Variants in CPNE8 observed in about 807,000 individuals in gnomAD.
The protein encoded by CPNE8 is copine-8.
Under a neutral mutation model 81.5 loss-of-function variants are expected in CPNE8, and 45 were observed. The ratio of observed to expected loss-of-function variants is 0.55; its 90% CI spans 0.44 to 0.71. The LOEUF is 0.71. CPNE8 is among the 30% of genes least tolerant of loss of function. The pLI, the probability that CPNE8 is intolerant of heterozygous loss-of-function variation, is 0.00. For missense variants in CPNE8, 594 were observed against 672.1 expected, an observed-to-expected ratio of 0.88 and a Z score of 1.28; for synonymous variants, 252 against 226.3, an observed-to-expected ratio of 1.11 and a Z score of -1.02.
intron 19 of CPNE8, among the ~76,000 whole-genome samples, chr12:38,669,206 C>T (rs563790598): frequency 2.0e-5 from 3 of 152,220 alleles, no homozygotes; most frequent in South Asian, 4.1e-4. Context: ...GAAAAGCTTA[C>T]ATCATATTCA....
At chr12:38,749,496 G>A (rs970629952) in intron 10 of CPNE8, among the ~76,000 whole-genome samples, 1 of 152,156 alleles carries the variant, frequency 6.6e-6, no homozygotes, top group Non-Finnish European at 1.5e-5. Context: ...AGGAAAATGT[G>A]GGAAAGTTTG....
chr12:38,906,586 T>G (rs1374968317), upstream of CPNE8: 3 of 985,456 alleles, frequency 3.0e-6, no homozygotes, highest in South Asian at 1.4e-4. Context: ...AACTGAGACC[T>G]GACGGATAAA....
intron 19 of CPNE8, among the ~76,000 whole-genome samples, chr12:38,669,042 A>G (rs1442706251): frequency 8.7e-6 from 1 of 114,714 alleles, no homozygotes; most frequent in Admixed American, 1.0e-4. Context: ...CAACAGCGAG[A>G]CTCTGCCTCA....
At chr12:38,809,874 T>C (rs1305632002) in intron 6 of CPNE8, among the ~76,000 whole-genome samples, 1 of 152,116 alleles carries the variant, frequency 6.6e-6, no homozygotes, top group Non-Finnish European at 1.5e-5. Flanking sequence ...CAACACATGA[T>C]GGGTCAAGCA....
chr12:38,901,824 G>A (rs185284731), intron 1 of CPNE8, among the ~76,000 whole-genome samples: 49 of 152,146 alleles, frequency 3.2e-4, no homozygotes, highest in Admixed American at 2.6e-3. Context: ...TATACTCCAA[G>A]CACCCTATTC....
intron 6 of CPNE8, among the ~76,000 whole-genome samples, chr12:38,792,735 A>G (rs1007917471): frequency 2.6e-5 from 4 of 151,830 alleles, no homozygotes; most frequent in African/African-American, 9.7e-5. Flanking sequence ...TTCTATGGAA[A>G]TCAGAATTAC....
intron 1 of CPNE8, among the ~76,000 whole-genome samples, chr12:38,892,885 G>A (rs1944334215): frequency 6.6e-6 from 1 of 152,074 alleles, no homozygotes; most frequent in Non-Finnish European, 1.5e-5. Flanking sequence ...GATTTCTGTT[G>A]AGAGAAAAAA....
intron 10 of CPNE8, among the ~76,000 whole-genome samples, chr12:38,741,457 G>T (rs1172552553): frequency 6.6e-6 from 1 of 152,158 alleles, no homozygotes; most frequent in Non-Finnish European, 1.5e-5. Context: ...AATAAATGTT[G>T]CTGGGAAACT....
intron 19 of CPNE8, among the ~76,000 whole-genome samples, chr12:38,662,952 A>T (rs1189489137): frequency 6.6e-6 from 1 of 152,102 alleles, no homozygotes; most frequent in Non-Finnish European, 1.5e-5. Flanking sequence ...GAAGAATGAA[A>T]CTACACCCTT....
At chr12:38,808,803 C>T (rs10747600) in intron 6 of CPNE8, among the ~76,000 whole-genome samples, 151,849 of 151,996 alleles carry the variant, frequency 1, 75,852 homozygotes, top group Middle Eastern at 1. Flanking sequence ...TGCTTAAAAA[C>T]CAGTAAGAAA....
intron 6 of CPNE8, among the ~76,000 whole-genome samples, chr12:38,808,304 G>A (rs935714414): frequency 2.6e-5 from 4 of 152,010 alleles, no homozygotes; most frequent in East Asian, 3.9e-4. Flanking sequence ...ACATGCACAC[G>A]TATGTTTATT....
intron 6 of CPNE8, among the ~76,000 whole-genome samples, chr12:38,826,592 T>C (rs1943197334): frequency 6.6e-6 from 1 of 152,186 alleles, no homozygotes; most frequent in Non-Finnish European, 1.5e-5. Flanking sequence ...TATCTTCACC[T>C]CTTAGCAAGA....
intron 10 of CPNE8, among the ~76,000 whole-genome samples, chr12:38,740,010 CA>C (rs1941055523): frequency 6.6e-6 from 1 of 152,088 alleles, no homozygotes; most frequent in South Asian, 2.1e-4. Context: ...ATAATGGCTT[CA>C]AAGGGGCATT....
chr12:38,890,924 A>T (rs1944305303), intron 1 of CPNE8, among the ~76,000 whole-genome samples: 2 of 148,876 alleles, frequency 1.3e-5, no homozygotes, highest in Admixed American at 6.7e-5. Flanking sequence ...TATATATATA[A>T]AATATTTTTT....
chr12:38,739,237 GT>G (rs1941031776), intron 10 of CPNE8, among the ~76,000 whole-genome samples: 1 of 152,046 alleles, frequency 6.6e-6, no homozygotes. Flanking sequence ...CAATATAAAT[GT>G]TCTCAAAGCA....
intron 1 of CPNE8, among the ~76,000 whole-genome samples, chr12:38,880,758 TTTAA>T (rs1565660380): frequency 2.0e-5 from 3 of 152,154 alleles, no homozygotes; most frequent in Admixed American, 2.0e-4. Context: ...AAATGCAATG[TTTAA>T]TTCTCTCTGA....
At chr12:38,693,636 A>G in intron 15 of CPNE8, 21 bp downstream of exon 15, 1 of 1,592,096 alleles carries the variant, frequency 6.3e-7, no homozygotes, top group South Asian at 1.1e-5. Context: ...AAAACATCAA[A>G]TCCTTTTGAC....
intron 3 of CPNE8, among the ~76,000 whole-genome samples, chr12:38,869,358 G>A (rs573289691): frequency 1.3e-5 from 2 of 152,210 alleles, no homozygotes; most frequent in South Asian, 2.1e-4. Flanking sequence ...GCCAGATACT[G>A]TTACAAGTGA....
At chr12:38,786,437 G>A (rs572145831) in intron 6 of CPNE8, among the ~76,000 whole-genome samples, 69 of 152,170 alleles carry the variant, frequency 4.5e-4, no homozygotes, top group African/African-American at 1.6e-3. Flanking sequence ...AAGAGAGACC[G>A]GCCTAACCTC....
Sources: allele counts gnomAD v4.1 joint callset (sites outside exome capture counted in the v4.1 genomes callset), GRCh38; gene constraint gnomAD v4.1.1; transcripts MANE v1.5; gene names NCBI Gene and HGNC (gene_info 2026-07-23, HGNC 2026-07-21).